The following PLD1 variants were observed in gnomAD, a reference collection of about 807,000 sequenced individuals.
PLD1 encodes choline phosphatase 1.
A neutral mutation model predicts 137.1 loss-of-function variants in PLD1; 112 were observed. The observed-to-expected ratio is 0.82, with a 90% confidence interval of 0.70 to 0.96. The LOEUF (loss-of-function observed/expected upper bound fraction) is 0.96. PLD1 is among the 40% of genes least tolerant of loss of function. PLD1 has a pLI of 0.00. For synonymous variants in PLD1, 431 were observed against 454.7 expected, an observed-to-expected ratio of 0.95 and a Z score of 0.66; for missense variants, 1,321 against 1,342.0, an observed-to-expected ratio of 0.98 and a Z score of 0.24.
chr3:171,744,479 T>A (rs914254428), intron 1 of PLD1, among the ~76,000 whole-genome samples: 1 of 152,136 alleles, frequency 6.6e-6, no homozygotes, highest in South Asian at 2.1e-4. Flanking sequence ...TAGTCTGATC[T>A]CAGGGAGCCC....
intron 23 of PLD1, among the ~76,000 whole-genome samples, chr3:171,637,306 G>A (rs1263546281): frequency 6.6e-6 from 1 of 152,142 alleles, no homozygotes; most frequent in African/African-American, 2.4e-5. Flanking sequence ...TGCAATCTTG[G>A]CTCACTGCAA....
At chr3:171,757,069 T>C (rs189014411) in intron 1 of PLD1, among the ~76,000 whole-genome samples, 44 of 152,306 alleles carry the variant, frequency 2.9e-4, no homozygotes, top group Admixed American at 4.6e-4. Flanking sequence ...TTTACATTTC[T>C]TATAACAAAA....
At chr3:171,774,478 G>A (rs1393646187) in intron 1 of PLD1, among the ~76,000 whole-genome samples, 1 of 152,204 alleles carries the variant, frequency 6.6e-6, no homozygotes, top group Non-Finnish European at 1.5e-5. Context: ...GGAAGGCAGA[G>A]TCCTCTTATG....
intron 16 of PLD1, among the ~76,000 whole-genome samples, chr3:171,678,034 T>G (rs1713569774): frequency 6.7e-6 from 1 of 149,004 alleles, no homozygotes; most frequent in African/African-American, 2.5e-5. Flanking sequence ...GGTGGCACTA[T>G]GAGAGCAGTA....
At chr3:171,626,120 T>C (rs112243343) in intron 23 of PLD1, among the ~76,000 whole-genome samples, 4,664 of 152,226 alleles carry the variant, frequency 0.031, 171 homozygotes, top group African/African-American at 0.087. Flanking sequence ...TTCAGACGAA[T>C]GTATAACTGG....
At chr3:171,647,150 A>G (rs535457334) in intron 21 of PLD1, among the ~76,000 whole-genome samples, 23 of 152,248 alleles carry the variant, frequency 1.5e-4, no homozygotes, top group Non-Finnish European at 2.9e-4. Flanking sequence ...GCCTGCCCAC[A>G]TATCTTTCTG....
intron 1 of PLD1, among the ~76,000 whole-genome samples, chr3:171,774,837 C>T (rs536304484): frequency 6.6e-6 from 1 of 152,072 alleles, no homozygotes; most frequent in Non-Finnish European, 1.5e-5. Context: ...GATGCTCAAG[C>T]CAAGGAGTTC....
chr3:171,753,789 C>T (rs1262631681), intron 1 of PLD1, among the ~76,000 whole-genome samples: 2 of 152,138 alleles, frequency 1.3e-5, no homozygotes, highest in Non-Finnish European at 2.9e-5. Context: ...CCACTTAAAA[C>T]ATTCTCAAGT....
chr3:171,622,015 G>A (rs1733681345), intron 23 of PLD1, among the ~76,000 whole-genome samples: 1 of 152,046 alleles, frequency 6.6e-6, no homozygotes, highest in Non-Finnish European at 1.5e-5. Context: ...ATGTATGAGT[G>A]GATAAATGAA....
chr3:171,803,812 G>C (rs893670366), intron 1 of PLD1, among the ~76,000 whole-genome samples: 6 of 152,166 alleles, frequency 3.9e-5, no homozygotes, highest in Admixed American at 3.9e-4. Flanking sequence ...GGGAAGACGT[G>C]CAATAGTTAC....
intron 1 of PLD1, among the ~76,000 whole-genome samples, chr3:171,746,988 C>T (rs115969437): frequency 0.013 from 1,950 of 152,262 alleles, 50 homozygotes; most frequent in African/African-American, 0.045. Flanking sequence ...CAAAGGTCTG[C>T]AGTTTTACTT....
chr3:171,621,372 A>G (rs1376179950), intron 23 of PLD1, among the ~76,000 whole-genome samples: 1 of 152,188 alleles, frequency 6.6e-6, no homozygotes, highest in East Asian at 1.9e-4. Context: ...CCAAGAATAA[A>G]TGGAGTGGAA....
intron 16 of PLD1, among the ~76,000 whole-genome samples, chr3:171,678,439 A>G (rs955407176): frequency 9.9e-5 from 15 of 152,250 alleles, no homozygotes; most frequent in African/African-American, 3.6e-4. Context: ...GCAGCAATCT[A>G]CTATAGCATT....
intron 8 of PLD1, 69 bp from the exon 9 acceptor site, chr3:171,714,114 T>C (rs1578339513): frequency 1.0e-6 from 1 of 956,884 alleles, no homozygotes; most frequent in East Asian, 2.4e-5. Context: ...CTAATCATTA[T>C]GACAAGTCTT....
chr3:171,718,340 A>G (rs1717828480), intron 8 of PLD1, among the ~76,000 whole-genome samples: 1 of 152,166 alleles, frequency 6.6e-6, no homozygotes, highest in Admixed American at 6.5e-5. Flanking sequence ...ACAAAAACAA[A>G]GACAAAAAGC....
At chr3:171,633,258 A>C (rs893842287) in intron 23 of PLD1, among the ~76,000 whole-genome samples, 1 of 152,222 alleles carries the variant, frequency 6.6e-6, no homozygotes, top group Non-Finnish European at 1.5e-5. Flanking sequence ...GGTGATGTTA[A>C]TTTATGTTAT....
intron 23 of PLD1, among the ~76,000 whole-genome samples, chr3:171,628,934 C>T (rs1181453777): frequency 1.3e-5 from 2 of 149,168 alleles, no homozygotes; most frequent in Non-Finnish European, 3.0e-5. Context: ...TGGAAGCATT[C>T]CCTTTGAAAA....
chr3:171,631,716 G>A (rs1469249126), intron 23 of PLD1, among the ~76,000 whole-genome samples: 1 of 152,068 alleles, frequency 6.6e-6, no homozygotes, highest in African/African-American at 2.4e-5. Context: ...ATCTGGGCAA[G>A]CTGAACTCCA....
At chr3:171,797,960 C>T (rs1228854013) in intron 1 of PLD1, among the ~76,000 whole-genome samples, 1 of 152,100 alleles carries the variant, frequency 6.6e-6, no homozygotes, top group Non-Finnish European at 1.5e-5. Flanking sequence ...ACTCATTTTC[C>T]ATTTTTCTAT....
Sources: allele counts gnomAD v4.1 joint callset (sites outside exome capture counted in the v4.1 genomes callset), GRCh38; gene constraint gnomAD v4.1.1; transcripts MANE v1.5; gene names NCBI Gene and HGNC (gene_info 2026-07-23, HGNC 2026-07-21).